The following CADM2 variants were observed in gnomAD, a reference collection of about 807,000 sequenced individuals.
CADM2 encodes cell adhesion molecule 2, also known as immunoglobulin superfamily member 4D.
In CADM2, 12 loss-of-function variants were observed where a neutral mutation model predicts 49.8. The ratio of observed to expected loss-of-function variants is 0.24; its 90% CI spans 0.15 to 0.39. CADM2 has a LOEUF of 0.39. Ranked by LOEUF, CADM2 falls within the 10% of genes least tolerant of loss-of-function variation. CADM2 has a pLI of 1.00. For missense variants in CADM2, 378 were observed against 492.3 expected, an observed-to-expected ratio of 0.77 and a Z score of 2.20; for synonymous variants, 214 against 175.4, an observed-to-expected ratio of 1.22 and a Z score of -1.74.
intron 8 of CADM2, chr3:86,013,598 A>G (rs893938957): frequency 2.5e-6 from 4 of 1,600,574 alleles, no homozygotes; most frequent in Non-Finnish European, 3.4e-6. Flanking sequence ...CTCTCAGGGA[A>G]GAGAGAGAAT....
chr3:86,061,989 G>C (rs546894318), intron 8 of CADM2, among the ~76,000 whole-genome samples: 1 of 145,638 alleles, frequency 6.9e-6, no homozygotes, highest in African/African-American at 2.5e-5. Context: ...TTGATGGTGG[G>C]GGGGGGGTTG....
intron 1 of CADM2, among the ~76,000 whole-genome samples, chr3:85,399,258 T>G (rs560318065): frequency 6.6e-6 from 1 of 152,220 alleles, no homozygotes; most frequent in Non-Finnish European, 1.5e-5. Flanking sequence ...CCTTTCCCCA[T>G]TGCTTGTTTT....
chr3:85,486,341 G>A (rs115814043), intron 1 of CADM2, among the ~76,000 whole-genome samples: 255 of 152,158 alleles, frequency 1.7e-3, no homozygotes, highest in African/African-American at 4.6e-3. Context: ...CTAATAATGG[G>A]AATACATTAC....
intron 1 of CADM2, among the ~76,000 whole-genome samples, chr3:85,352,111 G>C (rs2031409447): frequency 1.3e-5 from 2 of 152,066 alleles, no homozygotes; most frequent in South Asian, 4.1e-4. Flanking sequence ...TAAAAGTGCA[G>C]GAAACTTATA....
At chr3:85,710,684 T>C (rs1396312332) in intron 1 of CADM2, among the ~76,000 whole-genome samples, 2 of 152,146 alleles carry the variant, frequency 1.3e-5, no homozygotes, top group African/African-American at 4.8e-5. Context: ...GGCACAGGGG[T>C]GTGACTCATG....
At chr3:85,685,618 T>TC (rs1388446883) in intron 1 of CADM2, among the ~76,000 whole-genome samples, 5 of 145,372 alleles carry the variant, frequency 3.4e-5, no homozygotes, top group East Asian at 2.0e-4. Flanking sequence ...TTTCTTTCTT[T>TC]TTTTTTTTTT....
chr3:85,323,632 C>T (rs1431855767), intron 1 of CADM2, among the ~76,000 whole-genome samples: 2 of 152,172 alleles, frequency 1.3e-5, no homozygotes, highest in East Asian at 1.9e-4. Context: ...CTCTGTGTTA[C>T]ATCAAATTAT....
chr3:85,637,587 C>T (rs1335736961), intron 1 of CADM2, among the ~76,000 whole-genome samples: 1 of 82,892 alleles, frequency 1.2e-5, no homozygotes, highest in African/African-American at 5.8e-5. Flanking sequence ...CCGGCCTGGG[C>T]GACAGAGCGA....
chr3:85,897,192 C>T (rs1715327671), intron 5 of CADM2, among the ~76,000 whole-genome samples: 2 of 136,956 alleles, frequency 1.5e-5, no homozygotes, highest in African/African-American at 2.7e-5. Flanking sequence ...TGTATGTTAG[C>T]ATTATTAATG....
At chr3:86,039,601 G>T (rs927491393) in intron 8 of CADM2, among the ~76,000 whole-genome samples, 7 of 152,162 alleles carry the variant, frequency 4.6e-5, no homozygotes, top group Admixed American at 4.6e-4. Context: ...CGAATTGGGT[G>T]GAGCCCACTG....
intron 2 of CADM2, among the ~76,000 whole-genome samples, chr3:85,737,185 A>T (rs2068174068): frequency 6.6e-6 from 1 of 152,202 alleles, no homozygotes; most frequent in African/African-American, 2.4e-5. Flanking sequence ...AGTGAAAGTG[A>T]AGGGAAAACC....
chr3:85,915,967 A>G lies in CADM2; in HGVS notation c.700+3424A>G, dbSNP rs552302878. On this transcript the variant is annotated intron_variant, in intron 6 of 9. Coordinates refer to ENST00000383699, the MANE Select transcript of CADM2 (RefSeq NM_001167675.2). ...TAAGTTTGGTGAGCAATAAGAAATT[A>G]AAGATAAACATACAATGCCAAGAGG... Among the ~76,000 whole-genome samples, 10 of 152,318 alleles carry G rather than the reference A, an allele frequency of 6.6e-5. No individual in the cohort carries two copies. In the East Asian group the frequency reaches 1.7e-3, roughly 26 times the overall value.
chr3:85,275,048 A>C (rs945734748), intron 1 of CADM2, among the ~76,000 whole-genome samples: 4 of 151,550 alleles, frequency 2.6e-5, no homozygotes, highest in African/African-American at 9.7e-5. Context: ...AGGAGGAAAC[A>C]GAAGATGTGG....
At chr3:85,598,742 A>G (rs1214274233) in intron 1 of CADM2, among the ~76,000 whole-genome samples, 1 of 151,952 alleles carries the variant, frequency 6.6e-6, no homozygotes, top group Non-Finnish European at 1.5e-5. Flanking sequence ...TCCAGTATTC[A>G]GTGAATTTAC....
intron 8 of CADM2, among the ~76,000 whole-genome samples, chr3:85,971,244 T>A (rs891331731): frequency 6.6e-6 from 1 of 151,634 alleles, no homozygotes; most frequent in African/African-American, 2.4e-5. Context: ...CCTGACGTCA[T>A]GTGCAAACGT....
chr3:85,635,362 G>A (rs112361953), intron 1 of CADM2, among the ~76,000 whole-genome samples: 2 of 152,028 alleles, frequency 1.3e-5, no homozygotes, highest in African/African-American at 4.8e-5. Flanking sequence ...TTATTTCTAA[G>A]TGGGTAAAAA....
intron 1 of CADM2, among the ~76,000 whole-genome samples, chr3:85,065,262 T>C (rs1425970953): frequency 6.6e-6 from 1 of 152,088 alleles, no homozygotes; most frequent in Non-Finnish European, 1.5e-5. Context: ...TAGAATCAAT[T>C]TGACTCTATA....
chr3:85,132,207 T>C (rs2039254701), intron 1 of CADM2, among the ~76,000 whole-genome samples: 1 of 152,218 alleles, frequency 6.6e-6, no homozygotes, highest in African/African-American at 2.4e-5. Context: ...TCTGATAAAC[T>C]TACAAGGCTC....
chr3:85,154,807 T>G (rs1468708348), intron 1 of CADM2, among the ~76,000 whole-genome samples: 4 of 146,516 alleles, frequency 2.7e-5, no homozygotes, highest in African/African-American at 7.8e-5. Context: ...AGAAAAGAAT[T>G]TTCAACCCAG....
Sources: gnomAD v4.1 joint callset for allele counts (sites outside exome capture counted in the v4.1 genomes callset) on GRCh38, gnomAD v4.1.1 for gene constraint, MANE v1.5 for transcripts, NCBI Gene and HGNC (gene_info 2026-07-23, HGNC 2026-07-21) for gene names.